Variants in SLC25A21 observed in about 807,000 individuals in gnomAD.
SLC25A21 encodes solute carrier family 25 member 21.
In SLC25A21, 47 loss-of-function variants were observed where a neutral mutation model predicts 43.8. The observed-to-expected ratio is 1.07, with a 90% CI of 0.85 to 1.37. The LOEUF (loss-of-function observed/expected upper bound fraction) is 1.37. SLC25A21 is among the 40% of genes most tolerant of loss of function. SLC25A21 has a pLI of 0.00. For missense variants in SLC25A21, 352 were observed against 350.2 expected (o/e 1.00, Z -0.04); for synonymous variants, 131 against 121.3 (o/e 1.08, Z -0.52).
chr14:36,744,518 A>C (rs1479612890), intron 3 of SLC25A21, among the ~76,000 whole-genome samples: 1 of 152,166 alleles, frequency 6.6e-6, no homozygotes, highest in South Asian at 2.1e-4. Flanking sequence ...CCTATCTCTC[A>C]CCATATACAA....
chr14:36,876,389 A>G (rs1266539964), intron 1 of SLC25A21, among the ~76,000 whole-genome samples: 1 of 152,154 alleles, frequency 6.6e-6, no homozygotes, highest in African/African-American at 2.4e-5. Context: ...AACTAATAAG[A>G]TCCAATATGG....
chr14:37,095,659 G>C (rs978432668), intron 1 of SLC25A21, among the ~76,000 whole-genome samples: 1 of 152,090 alleles, frequency 6.6e-6, no homozygotes, highest in Non-Finnish European at 1.5e-5. Context: ...GCTGAAGTAG[G>C]AGGATTGCTT....
chr14:36,796,000 GT>G (rs1887656697), intron 3 of SLC25A21, among the ~76,000 whole-genome samples: 1 of 152,146 alleles, frequency 6.6e-6, no homozygotes, highest in Non-Finnish European at 1.5e-5. Context: ...GCTCATCAAA[GT>G]CATGGGAAAC....
chr14:36,796,897 A>T (rs1177095714), intron 3 of SLC25A21, among the ~76,000 whole-genome samples: 2 of 152,330 alleles, frequency 1.3e-5, no homozygotes. Flanking sequence ...GGACTCAGCG[A>T]GTAAGCCTGG....
chr14:36,871,885 C>A (rs1890384037), intron 2 of SLC25A21, among the ~76,000 whole-genome samples: 1 of 151,910 alleles, frequency 6.6e-6, no homozygotes, highest in Non-Finnish European at 1.5e-5. Context: ...TTAGAAAGCA[C>A]AGAAAATCAT....
At chr14:37,135,603 C>T (rs1319320451) in intron 1 of SLC25A21, among the ~76,000 whole-genome samples, 1 of 152,134 alleles carries the variant, frequency 6.6e-6, no homozygotes, top group East Asian at 1.9e-4. Flanking sequence ...TTTATTGGAC[C>T]ACCTCCATTC....
At chr14:36,818,912 C>CT in intron 2 of SLC25A21, among the ~76,000 whole-genome samples, 1 of 152,176 alleles carries the variant, frequency 6.6e-6, no homozygotes. Context: ...AATACAACCC[C>CT]TTGTAAAATT....
chr14:37,063,774 C>T (rs767435091), intron 1 of SLC25A21, among the ~76,000 whole-genome samples: 3 of 152,128 alleles, frequency 2.0e-5, no homozygotes, highest in Non-Finnish European at 2.9e-5. Context: ...CTTGATTCAA[C>T]AGCTAACCCA....
At chr14:36,943,872 C>T (rs1357096243) in intron 1 of SLC25A21, among the ~76,000 whole-genome samples, 1 of 152,048 alleles carries the variant, frequency 6.6e-6, no homozygotes, top group East Asian at 1.9e-4. Flanking sequence ...GGCTAAGAAA[C>T]CTCCTAGTAA....
chr14:36,902,227 A>C (rs1891414836), intron 1 of SLC25A21, among the ~76,000 whole-genome samples: 1 of 152,216 alleles, frequency 6.6e-6, no homozygotes, highest in South Asian at 2.1e-4. Context: ...TTCCTCAGAC[A>C]ACCTTGAGAA....
chr14:36,880,432 C>G (rs978436282), intron 1 of SLC25A21, among the ~76,000 whole-genome samples: 3 of 152,174 alleles, frequency 2.0e-5, no homozygotes, highest in African/African-American at 7.2e-5. Flanking sequence ...AACTCTGAAA[C>G]AGGAGCTCCC....
At chr14:36,954,690 C>CA (rs1199580529) in intron 1 of SLC25A21, among the ~76,000 whole-genome samples, 1 of 151,988 alleles carries the variant, frequency 6.6e-6, no homozygotes, top group Non-Finnish European at 1.5e-5. Flanking sequence ...TGTCACCACA[C>CA]AAAAAAATGA....
chr14:36,879,871 G>C (rs976636976), intron 1 of SLC25A21, among the ~76,000 whole-genome samples: 1 of 151,420 alleles, frequency 6.6e-6, no homozygotes, highest in African/African-American at 2.4e-5. Flanking sequence ...TGATTGGTGA[G>C]AGACCAGTTT....
chr14:36,819,727 T>C (rs541604343), intron 2 of SLC25A21, among the ~76,000 whole-genome samples: 2 of 152,226 alleles, frequency 1.3e-5, no homozygotes, highest in South Asian at 4.1e-4. Flanking sequence ...GCTTTAGAAA[T>C]ATATTTGTAC....
intron 3 of SLC25A21, among the ~76,000 whole-genome samples, chr14:36,750,135 G>C (rs987242263): frequency 5.9e-5 from 9 of 152,172 alleles, no homozygotes; most frequent in Non-Finnish European, 1.2e-4. Flanking sequence ...TGTTGGTGTT[G>C]TGAACAGAAA....
At chr14:37,037,158 T>C (rs1330282623) in intron 1 of SLC25A21, among the ~76,000 whole-genome samples, 1 of 152,144 alleles carries the variant, frequency 6.6e-6, no homozygotes, top group African/African-American at 2.4e-5. Flanking sequence ...AAAAACTGTT[T>C]CCAAGTTATT....
chr14:36,760,377 AAGGAAGGAAGGAAGGC>A (rs1308671932), intron 3 of SLC25A21, among the ~76,000 whole-genome samples: 61 of 147,188 alleles, frequency 4.1e-4, no homozygotes, highest in African/African-American at 1.4e-3. Flanking sequence ...GGAAGGAAGG[AAGGAAGGAAGGAAGGC>A]AGGCCTCATG....
At chr14:37,144,852 T>C (rs904773928) in intron 1 of SLC25A21, among the ~76,000 whole-genome samples, 3 of 152,144 alleles carry the variant, frequency 2.0e-5, no homozygotes, top group African/African-American at 7.2e-5. Flanking sequence ...ATGCTGGTCT[T>C]GAATTCCTGA....
At chr14:36,880,293 ACACAG>A (rs1168790507) in intron 1 of SLC25A21, among the ~76,000 whole-genome samples, 1 of 152,218 alleles carries the variant, frequency 6.6e-6, no homozygotes, top group African/African-American at 2.4e-5. Flanking sequence ...TAGAGGCCAC[ACACAG>A]CACAGCAACA....
Sources: gnomAD v4.1 joint callset for allele counts (sites outside exome capture counted in the v4.1 genomes callset) on GRCh38, gnomAD v4.1.1 for gene constraint, MANE v1.5 for transcripts, NCBI Gene and HGNC (gene_info 2026-07-23, HGNC 2026-07-21) for gene names.